LRIT1: variants seen among roughly 807,000 people sequenced by gnomAD.
LRIT1 encodes leucine rich repeat, Ig-like and transmembrane domains 1.
LRIT1 carries 23 observed loss-of-function variants against 24.0 expected under a neutral mutation model. The ratio of observed to expected loss-of-function variants is 0.96; its 90% CI spans 0.69 to 1.36. LRIT1 has a LOEUF of 1.36. Ranked by LOEUF, LRIT1 falls within the 40% of genes most tolerant of loss-of-function variation. The pLI, the probability that LRIT1 is intolerant of heterozygous loss-of-function variation, is 0.00. For synonymous variants in LRIT1, 361 were observed against 340.5 expected (o/e 1.06, Z -0.66); for missense variants, 846 against 806.3 (o/e 1.05, Z -0.60).
chr10:84,237,657 G>C lies in LRIT1; in HGVS notation c.152C>G (p.Thr51Ser). The C allele has an allele frequency of 6.2e-7, 1 of 1,604,032 alleles. No individual in the cohort carries two copies. Among genetic ancestry groups the C allele is most frequent in the Non-Finnish European group, 8.5e-7 (1 of 1,178,258 alleles). ...CGGGGGGATGGACGCCGGGGGCAGG[G>C]TCATGTCGGGGTCGTTGCACACTAC... ...RTVVCNDPDM[T>S]LPPASIPPDT... Residue 51 changes from threonine to serine, a missense_variant, in exon 2 of 4, where the codon ACC becomes AGC. Coordinates refer to ENST00000372105, the MANE Select transcript of LRIT1 (RefSeq NM_015613.3).
At chr10:84,236,885 A>G (rs532755688) in intron 2 of LRIT1, among the ~76,000 whole-genome samples, 180 of 152,316 alleles carry the variant, frequency 1.2e-3, no homozygotes, top group African/African-American at 4.0e-3. Context: ...TCTGGTTCAC[A>G]TGGTAAGCTG....
rs3814211 is a variant in LRIT1, at chr10:84,232,028, T to C, written c.1771A>G (p.Ser591Gly). ...AGAAGCCTGTCAGCCTCGCTGACACTGTGCCGGGACAGCTCCTCCAAGCCG... is the reference window on the plus strand; with the variant it reads ...AGAAGCCTGTCAGCCTCGCTGACACCGTGCCGGGACAGCTCCTCCAAGCCG... The part of the protein sequence containing the change: ...EDGLEELSRH[S>G]VSEADRLLSA... The change falls in exon 4 of 4, where the codon AGT becomes GGT. Residue 591 changes from serine to glycine, a missense_variant. Transcript: ENST00000372105. The C allele has an allele frequency of 0.052, 84,141 of 1,614,092 alleles. 2,436 individuals carry two copies. Among genetic ancestry groups the C allele is most frequent in the Middle Eastern group, 0.095 (573 of 6,062 alleles).
intron 1 of LRIT1, among the ~76,000 whole-genome samples, chr10:84,240,700 G>T (rs1842684764): frequency 6.6e-6 from 1 of 152,148 alleles, no homozygotes; most frequent in African/African-American, 2.4e-5. Context: ...CAAGGAAAAG[G>T]CTGGGGATGG....
Position 84,232,892 on chromosome 10 carries a change from C to A in LRIT1, c.907G>T (p.Val303Phe). 1 of 1,610,694 alleles carries A rather than the reference C, an allele frequency of 6.2e-7. No homozygotes were observed. The highest frequency in any genetic ancestry group is 8.5e-7 in the Non-Finnish European group (1 of 1,179,554). ...RPLNGTVHQEVSSDGTSWTLL... is the reference protein window; with the variant it reads ...RPLNGTVHQEFSSDGTSWTLL... ...GTCCAGCTCGTGCCGTCACTGGAGACTTCCTGGTGCACTAGGAGGAAAACA... is the reference window on the plus strand; with the variant it reads ...GTCCAGCTCGTGCCGTCACTGGAGAATTCCTGGTGCACTAGGAGGAAAACA... Residue 303 changes from valine to phenylalanine, a missense_variant, in exon 4 of 4, where the codon GTC becomes TTC. Transcript: ENST00000372105.
intron 2 of LRIT1, among the ~76,000 whole-genome samples, chr10:84,236,685 T>C (rs1842650027): frequency 1.3e-5 from 2 of 152,198 alleles, no homozygotes; most frequent in Non-Finnish European, 2.9e-5. Flanking sequence ...ATAAATATGA[T>C]AATAGTAACT....
chr10:84,237,448 C>A lies in LRIT1; in HGVS notation c.361G>T (p.Ala121Ser), dbSNP rs762380496. 14 of 1,555,460 alleles carry A rather than the reference C, an allele frequency of 9.0e-6. No individual in the cohort carries two copies. The highest frequency in any genetic ancestry group is 1.8e-4 in the Middle Eastern group (1 of 5,426). ...ELRLPGNRLA[A>S]FPWAALRDAP... ...TCCCTGAGCGCCGCCCAGGGGAAGG[C>A]GGCCAGGCGGTTCCCGGGCAGCCGC... The change falls in exon 2 of 4, where the codon GCC becomes TCC. Residue 121 changes from alanine (A) to serine (S), a missense_variant. Transcript: ENST00000372105.
chr10:84,239,408 G>A (rs970188100), intron 1 of LRIT1, among the ~76,000 whole-genome samples: 12 of 152,200 alleles, frequency 7.9e-5, no homozygotes, highest in Non-Finnish European at 2.9e-5. Context: ...TTGTGCCACT[G>A]CACTCCAGCC....
At chr10:84,234,446 T>A in intron 2 of LRIT1, 68 bp from the exon 3 acceptor site, 1 of 1,304,456 alleles carries the variant, frequency 7.7e-7, no homozygotes, top group Non-Finnish European at 1.0e-6. Context: ...CAGCACCCCT[T>A]CCCCTCTGGA....
intron 1 of LRIT1, among the ~76,000 whole-genome samples, 153 bp from the exon 2 acceptor site, chr10:84,237,839 C>T (rs561003052): frequency 6.6e-6 from 1 of 152,274 alleles, no homozygotes; most frequent in African/African-American, 2.4e-5. Flanking sequence ...GAGAGGGGCC[C>T]GGAGTAAGCA....
intron 2 of LRIT1, 24 bp from the exon 3 acceptor site, chr10:84,234,402 A>G (rs780867110): frequency 1.3e-6 from 2 of 1,495,316 alleles, no homozygotes; most frequent in Admixed American, 4.6e-5. Context: ...AAAGAAGACA[A>G]GATATTCAGA....
At chr10:84,234,496 C>T (rs930467375) in intron 2 of LRIT1, 118 bp from the exon 3 acceptor site, 1 of 732,694 alleles carries the variant, frequency 1.4e-6, no homozygotes, top group African/African-American at 1.8e-5. Context: ...CAGAACTGGC[C>T]TCTGGACCCA....
intron 1 of LRIT1, among the ~76,000 whole-genome samples, chr10:84,239,944 G>T (rs763854415): frequency 6.6e-5 from 10 of 152,242 alleles, no homozygotes; most frequent in East Asian, 1.9e-4. Context: ...TTAGCCATGG[G>T]ATAGTCAGGC....
chr10:84,232,990 G>A, intron 3 of LRIT1, 87 bp from the exon 4 acceptor site: 1 of 1,420,494 alleles, frequency 7.0e-7, no homozygotes, highest in Non-Finnish European at 9.5e-7. Flanking sequence ...AGCCCCAGGT[G>A]GTACACACTC....
In LRIT1 at chr10:84,241,466, C is replaced by T. The variant is rs758748125; in HGVS notation, c.-27G>A. Reference sequence around the variant, plus strand: ...GCTCCTGGCTCCTCTCTGGCCCAGGCAGGGGCCTGTCCCTGGACCGCTCCG... The same window carrying T: ...GCTCCTGGCTCCTCTCTGGCCCAGGTAGGGGCCTGTCCCTGGACCGCTCCG... On this transcript the variant is annotated 5_prime_UTR_variant, in exon 1 of 4. Coordinates refer to ENST00000372105, the MANE Select transcript of LRIT1 (RefSeq NM_015613.3). The T allele has an allele frequency of 2.0e-6, 3 of 1,515,024 alleles. No individual in the cohort carries two copies. In the Admixed American group the frequency reaches 6.5e-5, roughly 33 times the overall value. 93.8% of individuals were successfully genotyped at this position (1,515,024 alleles called of 1,614,324 possible). A position where few individuals can be genotyped will look rare whatever the true frequency, so the allele number is the denominator to read the frequency against.
chr10:84,238,842 G>C (rs1050815490), intron 1 of LRIT1, among the ~76,000 whole-genome samples: 1 of 152,178 alleles, frequency 6.6e-6, no homozygotes, highest in African/African-American at 2.4e-5. Context: ...CTAAAGCAGA[G>C]GATAGAGAGA....
intron 1 of LRIT1, among the ~76,000 whole-genome samples, chr10:84,240,903 G>A (rs1842686020): frequency 6.6e-6 from 1 of 152,092 alleles, no homozygotes; most frequent in Non-Finnish European, 1.5e-5. Context: ...GAGAGGTCAG[G>A]CAAGAGAGTG....
intron 2 of LRIT1, among the ~76,000 whole-genome samples, chr10:84,236,279 G>C (rs1447789501): frequency 6.6e-6 from 1 of 151,050 alleles, no homozygotes; most frequent in Non-Finnish European, 1.5e-5. Flanking sequence ...CTGGGCGACA[G>C]AGCAAGACTC....
At position 84,232,736 on chromosome 10, in the gene LRIT1, T is replaced by A. The variant is rs774482549; in HGVS notation, c.1063A>T (p.Ser355Cys). ...VTEPPTSTEH[S>C]GSPGALWART... ...GCCCATAGTGCTCCTGGGCTCCCAC[T>A]GTGTTCTGTGGAAGTCGGTGGCTCA... The change falls in exon 4 of 4, where the codon AGT becomes TGT. Residue 355 changes from serine to cysteine, a missense_variant. Physicochemically the swap from Ser to Cys is moderately radical, Grantham distance 112 (BLOSUM62 -1). Coordinates refer to ENST00000372105, the MANE Select transcript of LRIT1 (RefSeq NM_015613.3). 3 of 1,613,978 alleles carry A rather than the reference T, an allele frequency of 1.9e-6. No homozygotes were observed. The highest frequency in any genetic ancestry group is 2.5e-6 in the Non-Finnish European group (3 of 1,180,000).
chr10:84,232,948 T>C, intron 3 of LRIT1, 45 bp from the exon 4 acceptor site: 1 of 1,566,842 alleles, frequency 6.4e-7, no homozygotes, highest in Non-Finnish European at 8.6e-7. Context: ...TGGGCCCATC[T>C]GCCCCAAGCT....
Sources: gnomAD v4.1 joint callset for allele counts (sites outside exome capture counted in the v4.1 genomes callset) on GRCh38, gnomAD v4.1.1 for gene constraint, MANE v1.5 for transcripts, NCBI Gene and HGNC (gene_info 2026-07-23, HGNC 2026-07-21) for gene names.